LRRC7: variants seen among roughly 807,000 people sequenced by gnomAD.
The protein encoded by LRRC7 is leucine rich repeat containing 7.
In LRRC7, 23 loss-of-function variants were observed where a neutral mutation model predicts 175.7. That is an observed-to-expected ratio of 0.13 (90% confidence interval 0.09 to 0.19). The LOEUF (loss-of-function observed/expected upper bound fraction) is 0.19. Among genes scored for constraint, LRRC7 ranks in the 10% least tolerant of loss-of-function variants. LRRC7 has a pLI of 1.00. For missense variants in LRRC7, 1,354 were observed against 1,904.7 expected (o/e 0.71, Z 5.38); for synonymous variants, 685 against 680.9 (o/e 1.01, Z -0.09).
intron 1 of LRRC7, among the ~76,000 whole-genome samples, chr1:69,588,847 G>A (rs892422698): frequency 1.3e-5 from 2 of 152,010 alleles, no homozygotes; most frequent in African/African-American, 4.8e-5. Flanking sequence ...TGATATCAAG[G>A]TATTTCACAA....
chr1:69,689,643 A>G (rs7553630), intron 2 of LRRC7, among the ~76,000 whole-genome samples: 21,769 of 152,090 alleles, frequency 0.14, 1,711 homozygotes, highest in Middle Eastern at 0.2. Context: ...CATCATTAAG[A>G]TGACTATTAC....
intron 24 of LRRC7, among the ~76,000 whole-genome samples, chr1:70,085,202 T>G (rs1663515204): frequency 6.6e-6 from 1 of 152,168 alleles, no homozygotes; most frequent in Non-Finnish European, 1.5e-5. Context: ...TTAAGAATCA[T>G]TGCCTAATCT....
At chr1:70,036,680 A>G (rs1659348452) in intron 20 of LRRC7, 56 bp downstream of exon 20, 3 of 1,517,976 alleles carry the variant, frequency 2.0e-6, no homozygotes, top group African/African-American at 1.4e-5. Flanking sequence ...GCAACTTTTT[A>G]AAAAATGGAA....
chr1:69,643,530 G>A (rs1654550160), intron 1 of LRRC7, among the ~76,000 whole-genome samples: 1 of 152,146 alleles, frequency 6.6e-6, no homozygotes. Flanking sequence ...TCCTAATGGT[G>A]TGTCCCACAT....
intron 2 of LRRC7, among the ~76,000 whole-genome samples, chr1:69,717,870 GAAA>G (rs1665716064): frequency 4.7e-5 from 5 of 106,574 alleles, no homozygotes; most frequent in African/African-American, 1.1e-4. Flanking sequence ...AAGAAAGAAA[GAAA>G]GAAAGAGAGA....
intron 2 of LRRC7, among the ~76,000 whole-genome samples, chr1:69,738,220 G>A (rs960505714): frequency 5.9e-5 from 9 of 151,924 alleles, no homozygotes; most frequent in Non-Finnish European, 1.2e-4. Flanking sequence ...ACTCAGCTTT[G>A]TTTAGAGGGA....
rs1221916435 is a variant in LRRC7 at position 69,793,156 on chromosome 1, G to A, written c.421+996G>A. Among the ~76,000 whole-genome samples the A allele has an allele frequency of 5.9e-5, 9 of 152,172 alleles. No individual in the cohort carries two copies. The East Asian group carries it at 9.7e-4, about 16-fold the overall frequency. ...CAGATCCTGCCCTTCTGAAGTTTAC[G>A]TTCAAGTGGGTTGCCCATTAAACAA... On this transcript the variant is annotated intron_variant, in intron 4 of 26. Transcript: ENST00000651989.
At chr1:69,608,172 C>T (rs978073182) in intron 1 of LRRC7, 1 of 152,430 alleles carries the variant, frequency 6.6e-6, no homozygotes, top group South Asian at 2.1e-4. Context: ...ATACAAGTGT[C>T]GGTGATTATT....
intron 3 of LRRC7, among the ~76,000 whole-genome samples, chr1:69,778,953 C>T (rs941573495): frequency 2.1e-5 from 3 of 139,742 alleles, no homozygotes; most frequent in South Asian, 2.2e-4. Flanking sequence ...TATATACACA[C>T]ACACAAACAT....
chr1:69,633,973 G>C (rs888912336), intron 1 of LRRC7, among the ~76,000 whole-genome samples: 1 of 151,724 alleles, frequency 6.6e-6, no homozygotes, highest in African/African-American at 2.4e-5. Context: ...CTTATAAATA[G>C]CTTATAGTTG....
intron 15 of LRRC7, among the ~76,000 whole-genome samples, chr1:70,019,820 TAA>T (rs1259640707): frequency 6.6e-6 from 1 of 152,068 alleles, no homozygotes; most frequent in Non-Finnish European, 1.5e-5. Flanking sequence ...ACACATTTTA[TAA>T]GAGACATCTT....
chr1:69,978,183 C>T (rs375566794), intron 8 of LRRC7, among the ~76,000 whole-genome samples: 2 of 151,888 alleles, frequency 1.3e-5, no homozygotes, highest in African/African-American at 4.8e-5. Context: ...CTCGGGAGGC[C>T]GAGGCAGGAG....
intron 2 of LRRC7, among the ~76,000 whole-genome samples, chr1:69,748,160 C>T (rs1669454339): frequency 1.3e-5 from 2 of 151,996 alleles, no homozygotes; most frequent in South Asian, 4.2e-4. Flanking sequence ...TCTAAGTATC[C>T]CGAAGGCACA....
At chr1:70,041,405 G>A (rs1379863272) in intron 21 of LRRC7, among the ~76,000 whole-genome samples, 1 of 152,308 alleles carries the variant, frequency 6.6e-6, no homozygotes, top group East Asian at 1.9e-4. Flanking sequence ...TCATCAGAAT[G>A]TCTGTTTCAA....
At chr1:69,767,941 A>G (rs534997154) in intron 3 of LRRC7, among the ~76,000 whole-genome samples, 235 of 150,948 alleles carry the variant, frequency 1.6e-3, no homozygotes, top group Admixed American at 3.5e-3. Context: ...TAGGTGAGGG[A>G]AAAAAAAACA....
chr1:69,816,389 G>A (rs1678608075), intron 4 of LRRC7, among the ~76,000 whole-genome samples: 1 of 152,152 alleles, frequency 6.6e-6, no homozygotes, highest in Non-Finnish European at 1.5e-5. Flanking sequence ...TTGGGTGTTA[G>A]GATTTCAACA....
intron 10 of LRRC7, among the ~76,000 whole-genome samples, chr1:69,991,890 T>C (rs1045681902): frequency 6.6e-6 from 1 of 152,116 alleles, no homozygotes; most frequent in Non-Finnish European, 1.5e-5. Context: ...ACTCTTTTCC[T>C]CTTCTAGATG....
intron 7 of LRRC7, among the ~76,000 whole-genome samples, chr1:69,841,421 A>T (rs1302869552): frequency 6.6e-6 from 1 of 152,068 alleles, no homozygotes; most frequent in Non-Finnish European, 1.5e-5. Flanking sequence ...GGAAGAAAAC[A>T]ACGTTAAGAC....
intron 1 of LRRC7, among the ~76,000 whole-genome samples, chr1:69,671,969 AGT>A (rs1659144084): frequency 6.6e-6 from 1 of 152,134 alleles, no homozygotes; most frequent in South Asian, 2.1e-4. Flanking sequence ...AAGCACTGTG[AGT>A]GTTCACCTGG....
Sources: gnomAD v4.1 joint callset for allele counts (sites outside exome capture counted in the v4.1 genomes callset) on GRCh38, gnomAD v4.1.1 for gene constraint, MANE v1.5 for transcripts, NCBI Gene and HGNC (gene_info 2026-07-23, HGNC 2026-07-21) for gene names.